Variants in TAF7L observed in about 807,000 individuals in gnomAD.
The protein encoded by TAF7L is TATA-box binding protein associated factor 7 like, also known as transcription initiation factor TFIID subunit 7-like.
Under a neutral mutation model 30.2 loss-of-function variants are expected in TAF7L, and 6 were observed. The observed-to-expected ratio is 0.20, with a 90% CI of 0.11 to 0.39. The LOEUF (loss-of-function observed/expected upper bound fraction) is 0.39, where lower values mean the gene tolerates loss of function less well. Ranked by LOEUF, TAF7L falls within the 10% of genes least tolerant of loss-of-function variation. The pLI, the probability that TAF7L is intolerant of heterozygous loss-of-function variation, is 1.00. For missense variants in TAF7L, 284 were observed against 277.1 expected, an observed-to-expected ratio of 1.03 and a Z score of -0.18; for synonymous variants, 93 against 94.5, an observed-to-expected ratio of 0.98 and a Z score of 0.09.
chrX:101,281,086 T>C (rs1040310431), intron 6 of TAF7L, among the ~76,000 whole-genome samples: 1 of 111,467 alleles, frequency 9.0e-6, no homozygotes, highest in Non-Finnish European at 1.9e-5. Flanking sequence ...GGGATAAAAC[T>C]GCATAGAACT....
At chrX:101,293,073 G>T (rs1019105534), upstream of TAF7L, 6 of 1,204,929 alleles carry the variant, frequency 5.0e-6, no homozygotes, top group African/African-American at 1.8e-5. Context: ...TTGTAAAATG[G>T]CTTCCTGTGT....
chrX:101,283,325 A>G (rs1924479940), intron 4 of TAF7L, 125 bp downstream of exon 4: 3 of 744,493 alleles, frequency 4.0e-6, no homozygotes, highest in Non-Finnish European at 4.0e-6. Flanking sequence ...TGTGCAGTCA[A>G]TCTGGAAATT....
At chrX:101,277,521 T>C in intron 9 of TAF7L, 85 bp downstream of exon 9, 1 of 416,467 alleles carries the variant, frequency 2.4e-6, no homozygotes, top group Non-Finnish European at 3.9e-6. Context: ...TTTTTTGGAT[T>C]GGCCTATGAA....
chrX:101,289,239 T>C (rs1470798484), intron 1 of TAF7L, among the ~76,000 whole-genome samples: 1 of 112,115 alleles, frequency 8.9e-6, no homozygotes, highest in Non-Finnish European at 1.9e-5. Flanking sequence ...TCCTTCTTTT[T>C]AAAGGCTGAA....
At chrX:101,274,484 T>G (rs12353646) in intron 12 of TAF7L, among the ~76,000 whole-genome samples, 50,408 of 110,259 alleles carry the variant, frequency 0.46, 9,372 homozygotes, top group African/African-American at 0.71. Flanking sequence ...TGGGGTTACA[T>G]GCATGAGCCA....
intron 1 of TAF7L, 82 bp downstream of exon 1, chrX:101,291,142 G>T: frequency 2.4e-6 from 1 of 418,210 alleles, no homozygotes; most frequent in Non-Finnish European, 3.0e-6. Context: ...GGCTGGGGAG[G>T]GCTGCGGGGT....
Position 101,280,813 on chromosome X carries a change from T to C in TAF7L, c.462+907A>G, listed in dbSNP as rs543460664. ...AATAAACTATTGATGCTACAAAAAC[T>C]TATATGGATCTTAAGTGAATTATGC... On this transcript the variant is annotated intron_variant, in intron 6 of 12. Coordinates refer to ENST00000356784, the MANE Select transcript of TAF7L (RefSeq NM_001168474.2). Among the ~76,000 whole-genome samples, 16 of 111,883 alleles carry C rather than the reference T, an allele frequency of 1.4e-4. No homozygotes were observed. In the South Asian group the frequency reaches 5.6e-3, roughly 39 times the overall value.
At chrX:101,281,949 G>A (rs931905094) in intron 5 of TAF7L, among the ~76,000 whole-genome samples, 174 bp from the exon 6 acceptor site, 1 of 103,411 alleles carries the variant, frequency 9.7e-6, no homozygotes, top group Non-Finnish European at 2.0e-5. Context: ...GCAGTGGTGC[G>A]AGCTCAGCTT....
At chrX:101,292,002 C>A (rs1316001929), upstream of TAF7L, among the ~76,000 whole-genome samples, 1 of 109,074 alleles carries the variant, frequency 9.2e-6, no homozygotes, top group Non-Finnish European at 1.9e-5. Context: ...CTTTGGGAGG[C>A]CGAGTCGGGT....
At position 101,276,100 on chromosome X, in the gene TAF7L, T is replaced by A. The variant is rs1410821035; in HGVS notation, c.926A>T (p.Gln309Leu). 8.4e-7 allele frequency: 1 copy of A among 1,194,226 alleles called. No homozygotes were observed. Among genetic ancestry groups the A allele is most frequent in the Non-Finnish European group, 1.1e-6 (1 of 885,272 alleles). The stretch of plus-strand genomic sequence containing the variant: ...TTTCTCCTTTTTCTCAATCTGCTTC[T>A]GAATTTCCATGACTAATAGAGAAAC... Reference protein sequence around the residue: ...EGTSSIVMEIQKQIEKKEKKL... With the variant: ...EGTSSIVMEILKQIEKKEKKL... The change falls in exon 11 of 13, where the codon CAG (glutamine) becomes CTG (leucine). Residue 309 changes from glutamine (Q) to leucine (L), a missense_variant. By Grantham distance (113) the Gln-to-Leu change is moderately radical. Coordinates refer to ENST00000356784, the MANE Select transcript of TAF7L (RefSeq NM_001168474.2).
intron 1 of TAF7L, among the ~76,000 whole-genome samples, chrX:101,288,949 A>G (rs1342330959): frequency 1.8e-5 from 2 of 110,963 alleles, no homozygotes; most frequent in African/African-American, 3.3e-5. Flanking sequence ...GAGATTGTAT[A>G]CCAACTTTAG....
rs756848337 is a variant in TAF7L, at chrX:101,285,868, C to G, written c.145+707G>C. On this transcript the variant is annotated intron_variant, in intron 3 of 12. Coordinates refer to ENST00000356784, the MANE Select transcript of TAF7L (RefSeq NM_001168474.2). ...TTGGATGTACAATTTGCCAATATAA[C>G]AAATATTATTTAAAAGAAAAATATA... 2.7e-5 allele frequency among the ~76,000 whole-genome samples: 3 copies of G among 111,531 alleles called. No homozygotes were observed. In the South Asian group the frequency reaches 1.1e-3, roughly 41 times the overall value.
rs201673133 is a variant in TAF7L, at chrX:101,281,690, C to T, written c.462+30G>A. On this transcript the variant is annotated intron_variant, in intron 6 of 12. Coordinates refer to ENST00000356784, the MANE Select transcript of TAF7L (RefSeq NM_001168474.2). ...GCCCATGATCCTCTTCTAATCGGCC[C>T]GGCAGACACACAAATAGCATGTAAC... 1.7e-4 allele frequency: 208 copies of T among 1,198,841 alleles called. 1 individual carries two copies. In the African/African-American group the frequency reaches 2.7e-3, roughly 16 times the overall value.
intron 9 of TAF7L, among the ~76,000 whole-genome samples, chrX:101,276,843 A>G (rs1275973691): frequency 9.0e-6 from 1 of 110,607 alleles, no homozygotes; most frequent in Non-Finnish European, 1.9e-5. Flanking sequence ...ATAAGAGGGA[A>G]GAAGGGCTGG....
Position 101,279,623 on chromosome X carries a change from A to AAAAT in TAF7L, c.463-592_463-589dup, listed in dbSNP as rs56910047. Among the ~76,000 whole-genome samples, 153 of 109,182 alleles carry AAAAT rather than the reference A, an allele frequency of 1.4e-3. No homozygotes were observed. In the Middle Eastern group the frequency reaches 0.014, roughly 10 times the overall value. 94.8% of individuals were successfully genotyped at this position (109,182 alleles called of 115,157 possible). ...GCAACAGAGCGAGACTCCATCTCAAAAAATAAATAAATAAATAAATAAATA... is the reference window on the plus strand; with the variant it reads ...GCAACAGAGCGAGACTCCATCTCAAAAAATAAATAAATAAATAAATAAATAAATA... On this transcript the variant is annotated intron_variant, in intron 6 of 12. Coordinates refer to ENST00000356784, the MANE Select transcript of TAF7L (RefSeq NM_001168474.2).
chrX:101,288,402 C>A (rs1442924354), intron 1 of TAF7L, among the ~76,000 whole-genome samples: 5 of 109,192 alleles, frequency 4.6e-5, no homozygotes, highest in African/African-American at 1.7e-4. Flanking sequence ...CTCAGCCTCC[C>A]AAAGTGCTGG....
At chrX:101,271,838 C>G (rs1420040254) in intron 12 of TAF7L, among the ~76,000 whole-genome samples, 1 of 112,110 alleles carries the variant, frequency 8.9e-6, no homozygotes, top group Admixed American at 9.5e-5. Context: ...ATGCAGCATA[C>G]AACTGTACTT....
In TAF7L at chrX:101,286,646, G is replaced by A; in HGVS notation, c.74C>T (p.Ala25Val). The change falls in exon 3 of 13, where the codon GCT (alanine) becomes GTT (valine). Residue 25 changes from alanine to valine, a missense_variant. Ala to Val is a moderately conservative substitution (Grantham distance 64). Transcript: ENST00000356784. ...QFILRLPLEH[A>V]CTVRNLARSQ... ...ACGTGCTAGGTTCCTGACAGTACAA[G>A]CATGTTCCTAAAAAGGAGGTAAATT... 9.2e-6 allele frequency: 11 copies of A among 1,201,787 alleles called. No homozygotes were observed. Among genetic ancestry groups the A allele is most frequent in the Admixed American group, 2.2e-5 (1 of 45,490 alleles).
intron 5 of TAF7L, 107 bp from the exon 6 acceptor site, chrX:101,281,882 CTCCT>C: frequency 1.6e-6 from 1 of 625,661 alleles, no homozygotes; most frequent in East Asian, 3.6e-5. Context: ...CATGACATCA[CTCCT>C]TTTTTTTTTT....
Sources: gnomAD v4.1 joint callset for allele counts (sites outside exome capture counted in the v4.1 genomes callset) on GRCh38, gnomAD v4.1.1 for gene constraint, MANE v1.5 for transcripts, NCBI Gene and HGNC (gene_info 2026-07-23, HGNC 2026-07-21) for gene names.